The following RAPGEF2 variants were observed in gnomAD, a reference collection of about 807,000 sequenced individuals.
The protein encoded by RAPGEF2 is Rap guanine nucleotide exchange factor 2.
RAPGEF2 carries 54 observed loss-of-function variants against 186.7 expected under a neutral mutation model. The ratio of observed to expected loss-of-function variants is 0.29; its 90% CI spans 0.23 to 0.36. The LOEUF is 0.36. Ranked by LOEUF, RAPGEF2 falls within the 10% of genes least tolerant of loss-of-function variation. The probability of loss-of-function intolerance (pLI) is 1.00; values close to 1 mark genes in which losing one functional copy is unlikely to be tolerated. For synonymous variants in RAPGEF2, 712 were observed against 705.9 expected (o/e 1.01, Z -0.14); for missense variants, 1,532 against 2,045.0 (o/e 0.75, Z 4.84).
intron 7 of RAPGEF2, among the ~76,000 whole-genome samples, chr4:159,300,386 A>G (rs889056232): frequency 4.6e-5 from 7 of 151,802 alleles, no homozygotes; most frequent in Non-Finnish European, 1.0e-4. Context: ...TTTTAGGACT[A>G]TAGGTTGCTT....
Position 159,346,783 on chromosome 4 carries a change from T to A in RAPGEF2, c.3503-6T>A, listed in dbSNP as rs988774152. The A allele has an allele frequency of 3.1e-6, 5 of 1,612,598 alleles. No homozygotes were observed. Among genetic ancestry groups the A allele is most frequent in the Non-Finnish European group, 3.4e-6 (4 of 1,178,918 alleles). ...TGTTCTATTTTCAAACCCAAACAAT[T>A]ATCAGTGCCTAAGAATCCTGGTGAC... On this transcript the variant is annotated splice_polypyrimidine_tract_variant and splice_region_variant and intron_variant, in intron 24 of 29. Coordinates refer to ENST00000691494, the MANE Select transcript of RAPGEF2 (RefSeq NM_001394067.2).
At position 159,359,041 on chromosome 4, in the gene RAPGEF2, G is replaced by A. The variant is rs571221952; in HGVS notation, c.*902G>A. The A allele has an allele frequency of 3.3e-5, 5 of 152,338 alleles. No individual in the cohort carries two copies. Among genetic ancestry groups the A allele is most frequent in the African/African-American group, 4.8e-5 (2 of 41,560 alleles). 9.4% of individuals were successfully genotyped at this position (152,338 alleles called of 1,614,324 possible). On this transcript the variant is annotated 3_prime_UTR_variant, in exon 30 of 30. Transcript: ENST00000691494. ...TGTCTGAGCCTTATGGAGGCAGGAC[G>A]GTGTCATTGGCGGATGTGTCCTGCT...
chr4:159,279,179 T>C (rs1027481067), intron 7 of RAPGEF2, among the ~76,000 whole-genome samples: 4 of 152,204 alleles, frequency 2.6e-5, no homozygotes, highest in Non-Finnish European at 4.4e-5. Flanking sequence ...CTCACAATAA[T>C]GTAAGAGTGC....
chr4:159,348,819 A>G (rs1381215140), intron 25 of RAPGEF2, among the ~76,000 whole-genome samples: 1 of 152,198 alleles, frequency 6.6e-6, no homozygotes, highest in East Asian at 1.9e-4. Flanking sequence ...ATGAAATATT[A>G]TATGTTGTCT....
In RAPGEF2 at chr4:159,353,015, T is replaced by A; in HGVS notation, c.4091+105T>A. 1.8e-6 allele frequency: 2 copies of A among 1,121,424 alleles called. No individual in the cohort carries two copies. The highest frequency in any genetic ancestry group is 2.5e-6 in the Non-Finnish European group (2 of 800,252). 69.5% of individuals were successfully genotyped at this position (1,121,424 alleles called of 1,614,324 possible). On this transcript the variant is annotated intron_variant, in intron 27 of 29. Coordinates refer to ENST00000691494, the MANE Select transcript of RAPGEF2 (RefSeq NM_001394067.2). This position sits in a 1 kb window ranked among gnomAD's most constrained non-coding sequence, Gnocchi z 4.3. ...GTTTTTATTTATTTTACATAATGCCTAAGAATTTTTCTGCCATCCCAGTTC... is the reference window on the plus strand; with the variant it reads ...GTTTTTATTTATTTTACATAATGCCAAAGAATTTTTCTGCCATCCCAGTTC...
intron 16 of RAPGEF2, 93 bp from the exon 17 acceptor site, chr4:159,332,358 T>C: frequency 7.5e-7 from 1 of 1,327,700 alleles, no homozygotes; most frequent in South Asian, 1.4e-5. Flanking sequence ...AGTCTGTACT[T>C]CTCATATATT....
chr4:159,332,648 A>C lies in RAPGEF2; in HGVS notation c.2086A>C (p.Lys696Gln). ...TGTGGGAGGAAGGAACAAGCTGAAA[A>C]AGATACTCGACAAGACTCGGATCAG... ...NTVGGRNKLKKILDKTRISIL... is the reference protein window; with the variant it reads ...NTVGGRNKLKQILDKTRISIL... The change falls in exon 17 of 30, where the codon AAG becomes CAG. Residue 696 changes from lysine (K) to glutamine (Q), a missense_variant. Physicochemically the swap from Lys to Gln is moderately conservative, Grantham distance 53 (BLOSUM62 1). Around this residue, in one of 4 missense-constraint regions of RAPGEF2, gnomAD observed 810 missense variants for 1,210.5 expected, o/e 0.67. Transcript: ENST00000691494. The C allele has an allele frequency of 6.2e-7, 1 of 1,614,166 alleles. No homozygotes were observed. Among genetic ancestry groups the C allele is most frequent in the East Asian group, 2.2e-5 (1 of 44,868 alleles).
At chr4:159,108,625 A>T (rs1738159420) in intron 1 of RAPGEF2, among the ~76,000 whole-genome samples, 1 of 152,100 alleles carries the variant, frequency 6.6e-6, no homozygotes, top group South Asian at 2.1e-4. Context: ...ACCTGAAAAA[A>T]ACTTATTTGG....
intron 1 of RAPGEF2, among the ~76,000 whole-genome samples, chr4:159,168,778 T>C (rs889797843): frequency 6.6e-6 from 1 of 152,168 alleles, no homozygotes; most frequent in African/African-American, 2.4e-5. Context: ...TGAGAAGTTA[T>C]GGGTATTTAT....
intron 7 of RAPGEF2, among the ~76,000 whole-genome samples, chr4:159,250,793 G>C (rs11945636): frequency 0.27 from 40,061 of 150,802 alleles, 6,093 homozygotes; most frequent in African/African-American, 0.42. Context: ...CTTGCTCTCG[G>C]CGCCTCGGCC....
intron 7 of RAPGEF2, among the ~76,000 whole-genome samples, chr4:159,272,282 AT>A (rs948463158): frequency 2.0e-5 from 3 of 152,042 alleles, no homozygotes; most frequent in African/African-American, 4.8e-5. Flanking sequence ...ACTTAACCAT[AT>A]TTTCTAAATT....
intron 1 of RAPGEF2, among the ~76,000 whole-genome samples, chr4:159,132,488 T>C (rs1366063401): frequency 6.6e-6 from 1 of 152,202 alleles, no homozygotes; most frequent in Non-Finnish European, 1.5e-5. Context: ...TTACAAGACA[T>C]AGAAAGGGCT....
At chr4:159,279,622 CA>C (rs1347814051) in intron 7 of RAPGEF2, among the ~76,000 whole-genome samples, 6 of 152,080 alleles carry the variant, frequency 3.9e-5, no homozygotes, top group Admixed American at 1.3e-4. Context: ...TGCAAGAATA[CA>C]ATTTTGTTTT....
intron 4 of RAPGEF2, among the ~76,000 whole-genome samples, chr4:159,237,371 T>C (rs927591960): frequency 2.0e-5 from 3 of 152,160 alleles, no homozygotes; most frequent in South Asian, 2.1e-4. Flanking sequence ...CAGATAATTA[T>C]TATTAAGGAA....
chr4:159,155,252 A>G (rs533142783), intron 1 of RAPGEF2, among the ~76,000 whole-genome samples: 53 of 152,282 alleles, frequency 3.5e-4, no homozygotes, highest in African/African-American at 1.2e-3. Context: ...AAGTTGGCAA[A>G]CACAGCATTT....
intron 7 of RAPGEF2, among the ~76,000 whole-genome samples, chr4:159,251,943 C>T: frequency 6.6e-6 from 1 of 152,024 alleles, no homozygotes; most frequent in Admixed American, 6.5e-5. Flanking sequence ...AGAGCGGTAA[C>T]ACTCACCGCG....
chr4:159,355,298 C>A lies in RAPGEF2; in HGVS notation c.4652-555C>A, dbSNP rs527435627. 6.2e-4 allele frequency among the ~76,000 whole-genome samples: 95 copies of A among 152,212 alleles called. 1 individual carries two copies. Among genetic ancestry groups the A allele is most frequent in the African/African-American group, 2.2e-3 (93 of 41,522 alleles). ...AGTTTTAGAATTTTTAAATTGGTAT[C>A]CTTTGTGCGACTTTTCCAAATTTAT... On this transcript the variant is annotated intron_variant, in intron 28 of 29. Coordinates refer to ENST00000691494, the MANE Select transcript of RAPGEF2 (RefSeq NM_001394067.2).
intron 6 of RAPGEF2, among the ~76,000 whole-genome samples, chr4:159,241,590 A>G (rs1452825906): frequency 6.7e-6 from 1 of 150,130 alleles, no homozygotes; most frequent in Non-Finnish European, 1.5e-5. Flanking sequence ...TAGAAAGAGT[A>G]GATTTTTCTG....
chr4:159,199,131 G>A (rs934013186), intron 3 of RAPGEF2, among the ~76,000 whole-genome samples: 2 of 150,702 alleles, frequency 1.3e-5, no homozygotes, highest in Non-Finnish European at 2.9e-5. Context: ...TAAAGACTTA[G>A]CCTTTGCATG....
Sources: allele counts gnomAD v4.1 joint callset (sites outside exome capture counted in the v4.1 genomes callset), GRCh38; gene constraint gnomAD v4.1.1; regional missense constraint gnomAD v4.1.1; non-coding constraint Gnocchi (gnomAD v3.1); transcripts MANE v1.5; gene names NCBI Gene and HGNC (gene_info 2026-07-23, HGNC 2026-07-21).